Variants in OTUD4 observed in about 807,000 individuals in gnomAD.
OTUD4 encodes the protein OTU domain-containing protein 4.
A neutral mutation model predicts 130.4 loss-of-function variants in OTUD4; 24 were observed. That is an observed-to-expected ratio of 0.18 (90% CI 0.13 to 0.26). The LOEUF is 0.26. OTUD4 is among the 10% of genes least tolerant of loss of function. The pLI is 1.00. For missense variants in OTUD4, 1,031 were observed against 1,329.4 expected (o/e 0.78, Z 3.49); for synonymous variants, 420 against 472.5 (o/e 0.89, Z 1.44).
In OTUD4 at chr4:145,159,710, T is replaced by C. The variant is rs548930639; in HGVS notation, c.497-75A>G. 2,276 of 1,381,766 alleles carry C rather than the reference T, an allele frequency of 1.6e-3. 4 individuals are homozygous for C. The highest frequency in any genetic ancestry group is 2.2e-3 in the Non-Finnish European group (2,130 of 987,660). The allele number at this position is 1,381,766 out of a possible 1,614,324, so 85.6% of individuals were successfully genotyped here. Reference sequence around the variant, plus strand: ...TTAAAAACAGGAACAGACCATCACATTGTAACTTTCTATTGCTCAGGCTTT... The same window carrying C: ...TTAAAAACAGGAACAGACCATCACACTGTAACTTTCTATTGCTCAGGCTTT... On this transcript the variant is annotated intron_variant, in intron 6 of 20. Transcript: ENST00000447906.
intron 5 of OTUD4, among the ~76,000 whole-genome samples, chr4:145,163,830 C>G (rs1751710029): frequency 6.6e-6 from 1 of 151,782 alleles, no homozygotes; most frequent in Non-Finnish European, 1.5e-5. Context: ...CCTCAGCCTC[C>G]CTAGTAGCTG....
Position 145,141,464 on chromosome 4 carries a change from A to G in OTUD4, c.1998T>C (p.Tyr666=), listed in dbSNP as rs1461763632. The G allele has an allele frequency of 6.2e-7, 1 of 1,612,796 alleles. No homozygotes were observed. Residue 666 remains tyrosine, a synonymous_variant, in exon 19 of 21, where the codon TAT becomes TAC. Transcript: ENST00000447906. ...QTLSLYQDPL[Y]PGFPCNEKGD... is the part of the protein sequence containing the mutation. ...CCTTTTCATTACAAGGAAACCCAGG[A>G]TAGAGTGGGTCTTGATAAAGGCTCA... is the stretch of plus-strand genomic sequence containing the variant.
In OTUD4 at chr4:145,179,807, G is replaced by A. The variant is rs1384253414; in HGVS notation, c.159+8C>T. On this transcript the variant is annotated splice_region_variant and intron_variant, in intron 1 of 20. Coordinates refer to ENST00000447906, the MANE Select transcript of OTUD4 (RefSeq NM_001366057.1). The stretch of plus-strand genomic sequence containing the variant: ...CCCTCGAAGCCCTCCCCGCCCCCCC[G>A]CAATTACCTGCTCCGCCACGGCCCG... 3.3e-5 allele frequency: 6 copies of A among 183,046 alleles called. No individual in the cohort carries two copies. The highest frequency in any genetic ancestry group is 3.0e-4 in the African/African-American group (5 of 16,840). The allele number at this position is 183,046 out of a possible 1,614,324, so 11.3% of individuals were successfully genotyped here.
intron 2 of OTUD4, among the ~76,000 whole-genome samples, chr4:145,172,510 C>CT (rs1192287915): frequency 1.3e-5 from 2 of 152,124 alleles, no homozygotes; most frequent in African/African-American, 2.4e-5. Context: ...ATAACACAAC[C>CT]TTTTTTATGT....
At chr4:145,150,942 C>T in intron 11 of OTUD4, 37 bp from the exon 12 acceptor site, 1 of 1,300,016 alleles carries the variant, frequency 7.7e-7, no homozygotes, top group Non-Finnish European at 1.1e-6. Flanking sequence ...GCTTAAAATA[C>T]CCTAGTAAGA....
At chr4:145,173,187 C>G (rs1048382924) in intron 2 of OTUD4, among the ~76,000 whole-genome samples, 1 of 152,088 alleles carries the variant, frequency 6.6e-6, no homozygotes, top group Non-Finnish European at 1.5e-5. Flanking sequence ...GTCAGGAGAT[C>G]GAGACCATCC....
chr4:145,164,737 A>G (rs1423810604), intron 4 of OTUD4, among the ~76,000 whole-genome samples: 1 of 152,142 alleles, frequency 6.6e-6, no homozygotes, highest in Non-Finnish European at 1.5e-5. Context: ...CATAATGTAA[A>G]TATTCCAAAA....
At chr4:145,166,793 C>T (rs754313116) in intron 3 of OTUD4, among the ~76,000 whole-genome samples, 9 of 152,084 alleles carry the variant, frequency 5.9e-5, no homozygotes, top group Non-Finnish European at 1.0e-4. Flanking sequence ...AAGCCGAGAT[C>T]GCGCTGCTGC....
intron 10 of OTUD4, among the ~76,000 whole-genome samples, chr4:145,154,614 C>T (rs1451893317): frequency 6.6e-6 from 1 of 152,036 alleles, no homozygotes; most frequent in Admixed American, 6.6e-5. Context: ...GAACAAAAAA[C>T]AAGAAAAGAG....
intron 2 of OTUD4, among the ~76,000 whole-genome samples, chr4:145,172,445 T>G (rs1028125515): frequency 3.3e-4 from 50 of 152,252 alleles, no homozygotes; most frequent in Admixed American, 3.3e-3. Context: ...TAATACAGCT[T>G]GCTTCATCGC....
At chr4:145,154,771 T>C (rs768085849) in intron 10 of OTUD4, among the ~76,000 whole-genome samples, 1 of 150,654 alleles carries the variant, frequency 6.6e-6, no homozygotes, top group Non-Finnish European at 1.5e-5. Context: ...ACCCACTAGA[T>C]GTCAGTAGCA....
intron 7 of OTUD4, among the ~76,000 whole-genome samples, chr4:145,157,934 G>C (rs1751371604): frequency 6.6e-6 from 1 of 152,134 alleles, no homozygotes; most frequent in African/African-American, 2.4e-5. Flanking sequence ...CAAAGGGCAT[G>C]TTCTAAAAGT....
At chr4:145,176,947 T>G (rs1480830894) in intron 1 of OTUD4, among the ~76,000 whole-genome samples, 1 of 152,250 alleles carries the variant, frequency 6.6e-6, no homozygotes, top group Non-Finnish European at 1.5e-5. Flanking sequence ...TAACTGGTTT[T>G]CAGTTTAACT....
chr4:145,143,811 T>C, intron 16 of OTUD4, 135 bp downstream of exon 16: 1 of 664,044 alleles, frequency 1.5e-6, no homozygotes, highest in South Asian at 2.0e-5. Flanking sequence ...CCCATCATCT[T>C]TTCCCTGCTT....
At chr4:145,172,866 G>C (rs1011738291) in intron 2 of OTUD4, among the ~76,000 whole-genome samples, 2 of 151,978 alleles carry the variant, frequency 1.3e-5, no homozygotes, top group African/African-American at 4.8e-5. Flanking sequence ...ACCATTTAAA[G>C]TTACTAGAGA....
chr4:145,171,767 A>G, intron 2 of OTUD4, 47 bp from the exon 3 acceptor site: 1 of 864,318 alleles, frequency 1.2e-6, no homozygotes, highest in Non-Finnish European at 2.0e-6. Flanking sequence ...ATATATGCCA[A>G]AACAGTTAAC....
intron 1 of OTUD4, among the ~76,000 whole-genome samples, chr4:145,175,494 A>T (rs1168366746): frequency 6.6e-6 from 1 of 152,120 alleles, no homozygotes; most frequent in East Asian, 1.9e-4. Flanking sequence ...AAGATAACTT[A>T]CTGGCATGTG....
At chr4:145,144,742 C>CA (rs1040195819) in intron 14 of OTUD4, among the ~76,000 whole-genome samples, 13 of 151,572 alleles carry the variant, frequency 8.6e-5, no homozygotes, top group Admixed American at 2.0e-4. Flanking sequence ...ATTTTTCTTT[C>CA]AAAAAAAACA....
chr4:145,162,788 G>T, intron 5 of OTUD4, 67 bp from the exon 6 acceptor site: 2 of 724,906 alleles, frequency 2.8e-6, no homozygotes, highest in Non-Finnish European at 4.6e-6. Flanking sequence ...AGCAATGTAT[G>T]TCTCCAATGC....
Sources: gnomAD v4.1 joint callset for allele counts (sites outside exome capture counted in the v4.1 genomes callset) on GRCh38, gnomAD v4.1.1 for gene constraint, MANE v1.5 for transcripts, NCBI Gene and HGNC (gene_info 2026-07-23, HGNC 2026-07-21) for gene names.